The following DOCK1 variants were observed in gnomAD, a reference collection of about 807,000 sequenced individuals.
The protein encoded by DOCK1 is dedicator of cytokinesis protein 1.
DOCK1 carries 138 observed loss-of-function variants against 262.7 expected under a neutral mutation model. The observed-to-expected ratio is 0.53, with a 90% confidence interval of 0.46 to 0.61. DOCK1 has a LOEUF of 0.61. DOCK1 is among the 20% of genes least tolerant of loss of function. The probability of loss-of-function intolerance (pLI) is 0.00; values close to 1 mark genes in which losing one functional copy is unlikely to be tolerated. For missense variants in DOCK1, 1,908 were observed against 2,370.7 expected (o/e 0.80, Z 4.05); for synonymous variants, 866 against 867.4 (o/e 1.00, Z 0.03).
intron 29 of DOCK1, among the ~76,000 whole-genome samples, chr10:127,268,518 A>AAAAAG (rs2060451887): frequency 6.6e-6 from 1 of 151,174 alleles, no homozygotes; most frequent in Non-Finnish European, 1.5e-5. Context: ...AAAAAAAAAA[A>AAAAAG]AAAAGAAGAG....
intron 29 of DOCK1, among the ~76,000 whole-genome samples, chr10:127,330,531 T>C (rs1178587665): frequency 1.3e-5 from 2 of 152,320 alleles, no homozygotes; most frequent in Admixed American, 1.3e-4. Flanking sequence ...GGATGGTTCC[T>C]CTAAAACTTT....
At position 127,012,236 on chromosome 10, in the gene DOCK1, G is replaced by A. The variant is rs1464087600; in HGVS notation, c.1063G>A (p.Ala355Thr). The A allele has an allele frequency of 5.7e-6, 9 of 1,578,388 alleles. No individual in the cohort carries two copies. The highest frequency in any genetic ancestry group is 2.7e-5 in the African/African-American group (2 of 74,196). ...TGGTCGTCCCGTGCCCTCCAGGCTCGCGTTGGACGACGCCATTCGACACAA... is the reference window on the plus strand; with the variant it reads ...TGGTCGTCCCGTGCCCTCCAGGCTCACGTTGGACGACGCCATTCGACACAA... ...KQHFIPFQPL[A>T]LDDAIRHKPL... Residue 355 changes from alanine (A) to threonine (T), a missense_variant, in exon 12 of 52, where the codon GCG becomes ACG. Physicochemically the swap from Ala to Thr is moderately conservative, Grantham distance 58 (BLOSUM62 0). This residue lies in a region of DOCK1 where 102 missense variants were observed against 154.9 expected (regional missense o/e 0.66). Transcript: ENST00000623213. The surrounding 1 kb of genome is among the most constrained non-coding windows in gnomAD (Gnocchi z 4.0).
At chr10:127,315,997 C>A (rs2062261154) in intron 29 of DOCK1, among the ~76,000 whole-genome samples, 1 of 151,910 alleles carries the variant, frequency 6.6e-6, no homozygotes, top group Non-Finnish European at 1.5e-5. Flanking sequence ...CTGCACCCCG[C>A]TGGGGACAGG....
chr10:126,980,026 A>C (rs79832195), intron 3 of DOCK1, among the ~76,000 whole-genome samples: 2,164 of 152,066 alleles, frequency 0.014, 33 homozygotes, highest in African/African-American at 0.046. Flanking sequence ...CATGGACAAG[A>C]CTGGGACTGG....
intron 28 of DOCK1, among the ~76,000 whole-genome samples, chr10:127,255,033 TG>T (rs1275078265): frequency 1.3e-5 from 2 of 152,224 alleles, no homozygotes; most frequent in African/African-American, 4.8e-5. Flanking sequence ...GACACGATTT[TG>T]CCTCTGAAGC....
At chr10:127,145,257 C>T (rs1178550839) in intron 27 of DOCK1, among the ~76,000 whole-genome samples, 1 of 152,090 alleles carries the variant, frequency 6.6e-6, no homozygotes, top group Non-Finnish European at 1.5e-5. Context: ...CAGAGGCAGA[C>T]CCAAGTCATT....
chr10:127,440,732 G>A (rs2070059048), intron 49 of DOCK1, among the ~76,000 whole-genome samples: 2 of 152,228 alleles, frequency 1.3e-5, no homozygotes, highest in African/African-American at 4.8e-5. Flanking sequence ...CAACAGGCCA[G>A]CGCTGCTCTG....
chr10:127,131,204 C>G (rs2050305068), intron 27 of DOCK1, among the ~76,000 whole-genome samples: 1 of 152,134 alleles, frequency 6.6e-6, no homozygotes, highest in Admixed American at 6.5e-5. Flanking sequence ...AAGCATTTGG[C>G]ATAGGGGTCT....
At chr10:127,249,205 T>A (rs2134803649) in intron 28 of DOCK1, among the ~76,000 whole-genome samples, 1 of 152,264 alleles carries the variant, frequency 6.6e-6, no homozygotes, top group East Asian at 1.9e-4. Flanking sequence ...ATGATCTGTA[T>A]GAGTTTTTTC....
At position 127,350,268 on chromosome 10, in the gene DOCK1, A is replaced by T. The variant is rs1391604768; in HGVS notation, c.3225-4401A>T. On this transcript the variant is annotated intron_variant, in intron 31 of 51. Transcript: ENST00000623213. ...AAAGTGGCGGCAGCGGGGACGCTTT[A>T]AAAAAAACCTGCCTCCTGCAGCCTC... Among the ~76,000 whole-genome samples, 3 of 33,550 alleles carry T rather than the reference A, an allele frequency of 8.9e-5. No homozygotes were observed. The East Asian group carries it at 3.0e-3, about 33-fold the overall frequency. 22.0% of individuals were successfully genotyped at this position (33,550 alleles called of 152,430 possible).
intron 1 of DOCK1, among the ~76,000 whole-genome samples, chr10:126,966,325 G>A (rs1424073622): frequency 6.6e-6 from 1 of 152,142 alleles, no homozygotes; most frequent in Non-Finnish European, 1.5e-5. Flanking sequence ...GGTTGACTGC[G>A]TATCTTGGGT....
chr10:127,427,759 T>G (rs960375461), intron 47 of DOCK1, among the ~76,000 whole-genome samples: 2 of 152,158 alleles, frequency 1.3e-5, no homozygotes, highest in African/African-American at 4.8e-5. Context: ...GTAATTTGGT[T>G]ATGATCACAC....
intron 33 of DOCK1, among the ~76,000 whole-genome samples, chr10:127,362,918 CATAT>C (rs376834841): frequency 3.4e-4 from 2 of 5,836 alleles, no homozygotes; most frequent in African/African-American, 8.3e-4. Context: ...TCCACACACA[CATAT>C]ACACATGCAC....
chr10:127,024,048 G>T (rs1347586516), intron 14 of DOCK1, among the ~76,000 whole-genome samples: 2 of 152,162 alleles, frequency 1.3e-5, no homozygotes, highest in African/African-American at 4.8e-5. Flanking sequence ...GAGGTACTTA[G>T]AAGCTATTGC....
intron 27 of DOCK1, among the ~76,000 whole-genome samples, chr10:127,201,233 C>G (rs1022743192): frequency 5.9e-5 from 9 of 152,158 alleles, no homozygotes; most frequent in African/African-American, 2.2e-4. Flanking sequence ...ATATTCTGCT[C>G]GAGCCTTCAC....
intron 29 of DOCK1, among the ~76,000 whole-genome samples, chr10:127,278,868 C>A (rs184805072): frequency 6.6e-6 from 1 of 152,170 alleles, no homozygotes; most frequent in Non-Finnish European, 1.5e-5. Context: ...CTGTTACTTA[C>A]AAGGTGATAG....
intron 27 of DOCK1, among the ~76,000 whole-genome samples, chr10:127,229,551 C>T (rs1201772485): frequency 6.6e-6 from 1 of 152,090 alleles, no homozygotes; most frequent in Non-Finnish European, 1.5e-5. Context: ...TATGTTGTTC[C>T]AAATGATGGT....
At position 127,214,246 on chromosome 10, in the gene DOCK1, C is replaced by T. The variant is rs2095359; in HGVS notation, c.2848-33762C>T. Among the ~76,000 whole-genome samples, 926 of 152,220 alleles carry T rather than the reference C, an allele frequency of 6.1e-3. 25 individuals are homozygous for T. In the East Asian group the frequency reaches 0.09, roughly 15 times the overall value. On this transcript the variant is annotated intron_variant, in intron 27 of 51. Transcript: ENST00000623213. Reference sequence around the variant, plus strand: ...CAGTGGGCCTCTCTGTAATGCTTCCCGCTCCAGTCCCTGAGTAGCTCCCCC... The same window carrying T: ...CAGTGGGCCTCTCTGTAATGCTTCCTGCTCCAGTCCCTGAGTAGCTCCCCC...
intron 23 of DOCK1, among the ~76,000 whole-genome samples, chr10:127,067,653 A>T (rs1416160903): frequency 6.6e-6 from 1 of 152,040 alleles, no homozygotes; most frequent in Admixed American, 6.6e-5. Flanking sequence ...ATTCTAGACT[A>T]ATGTATTTCA....
Sources: allele counts gnomAD v4.1 joint callset (sites outside exome capture counted in the v4.1 genomes callset), GRCh38; gene constraint gnomAD v4.1.1; regional missense constraint gnomAD v4.1.1; non-coding constraint Gnocchi (gnomAD v3.1); transcripts MANE v1.5; gene names NCBI Gene and HGNC (gene_info 2026-07-23, HGNC 2026-07-21).